Variants in SIL1 observed in about 807,000 individuals in gnomAD.
SIL1 encodes the protein nucleotide exchange factor SIL1.
A neutral mutation model predicts 49.1 loss-of-function variants in SIL1; 40 were observed. The ratio of observed to expected loss-of-function variants is 0.81; its 90% CI spans 0.63 to 1.06. The LOEUF (loss-of-function observed/expected upper bound fraction) is 1.06, where lower values mean the gene tolerates loss of function less well. SIL1 is among the 50% of genes least tolerant of loss of function. The pLI, the probability that SIL1 is intolerant of heterozygous loss-of-function variation, is 0.00. For synonymous variants in SIL1, 253 were observed against 250.8 expected (o/e 1.01, Z -0.08); for missense variants, 500 against 572.6 (o/e 0.87, Z 1.29).
At chr5:139,011,171 C>T (rs1317556119) in intron 7 of SIL1, among the ~76,000 whole-genome samples, 2 of 150,960 alleles carry the variant, frequency 1.3e-5, no homozygotes, top group Admixed American at 6.6e-5. Flanking sequence ...CGTGGTGCGC[C>T]GTTTTTTAAG....
Position 139,083,197 on chromosome 5 carries a change from G to A in SIL1, c.245-32151C>T, listed in dbSNP as rs180692756. Among the ~76,000 whole-genome samples, 644 of 152,340 alleles carry A rather than the reference G, an allele frequency of 4.2e-3. 7 individuals carry two copies. Among genetic ancestry groups the A allele is most frequent in the African/African-American group, 0.01 (423 of 41,564 alleles). ...GAGCACCTGCCACTGGGAGAAACTA[G>A]GGAGGTGAAAATTCAGATGTACCTT... is the stretch of plus-strand genomic sequence containing the variant. On this transcript the variant is annotated intron_variant, in intron 3 of 9. Transcript: ENST00000394817.
At chr5:139,127,680 A>G in intron 2 of SIL1, 59 bp downstream of exon 2, 1 of 1,362,996 alleles carries the variant, frequency 7.3e-7, no homozygotes, top group Non-Finnish European at 1.0e-6. Flanking sequence ...CCCTGGTGAC[A>G]GGGAGGCCTT....
chr5:138,984,524 A>G (rs1349024139), intron 7 of SIL1, among the ~76,000 whole-genome samples: 1 of 151,768 alleles, frequency 6.6e-6, no homozygotes, highest in Non-Finnish European at 1.5e-5. Flanking sequence ...ATGCCTGGCT[A>G]ATTTTTGTAT....
chr5:139,174,937 CAAAAA>C (rs56959325), intron 1 of SIL1, among the ~76,000 whole-genome samples: 1 of 59,850 alleles, frequency 1.7e-5, no homozygotes, highest in African/African-American at 8.0e-5. Flanking sequence ...GACTGTGTCT[CAAAAA>C]AAAAAAAAAA....
chr5:139,137,525 T>C (rs936245278), intron 1 of SIL1: 7 of 520,988 alleles, frequency 1.3e-5, no homozygotes, highest in Non-Finnish European at 2.4e-5. Context: ...CAGAAATTTT[T>C]TTTTTAATTT....
intron 7 of SIL1, among the ~76,000 whole-genome samples, chr5:138,963,354 A>G (rs1767066449): frequency 6.6e-6 from 1 of 152,210 alleles, no homozygotes; most frequent in African/African-American, 2.4e-5. Context: ...TAAACTTGAT[A>G]AACATGATAA....
chr5:139,161,753 A>T (rs1043721848), intron 1 of SIL1, among the ~76,000 whole-genome samples: 1 of 152,196 alleles, frequency 6.6e-6, no homozygotes, highest in African/African-American at 2.4e-5. Context: ...GCGGTGGCTC[A>T]TGCCTGTAAT....
chr5:139,058,550 G>A (rs1440253855), intron 3 of SIL1, among the ~76,000 whole-genome samples: 1 of 152,024 alleles, frequency 6.6e-6, no homozygotes, highest in Non-Finnish European at 1.5e-5. Context: ...AGAAAAAATT[G>A]TCACTCCTCT....
intron 3 of SIL1, among the ~76,000 whole-genome samples, chr5:139,093,357 G>C (rs541586988): frequency 6.6e-6 from 1 of 152,334 alleles, no homozygotes; most frequent in East Asian, 1.9e-4. Context: ...AATGTACTAA[G>C]ACAGAGATAA....
At chr5:138,960,814 T>C (rs1767005170) in intron 7 of SIL1, among the ~76,000 whole-genome samples, 1 of 152,240 alleles carries the variant, frequency 6.6e-6, no homozygotes, top group Non-Finnish European at 1.5e-5. Flanking sequence ...TATGAGATTC[T>C]GTCAAATGAT....
intron 3 of SIL1, among the ~76,000 whole-genome samples, chr5:139,059,824 TTGTC>T: frequency 6.6e-6 from 1 of 152,158 alleles, no homozygotes; most frequent in East Asian, 1.9e-4. Context: ...ACGGGCTCAT[TTGTC>T]TTCTCACTTT....
At chr5:139,008,416 C>G (rs1343833920) in intron 7 of SIL1, among the ~76,000 whole-genome samples, 1 of 123,940 alleles carries the variant, frequency 8.1e-6, no homozygotes, top group Admixed American at 7.7e-5. Flanking sequence ...AAACCAGCTC[C>G]TGGATTCATT....
At chr5:138,955,572 G>A (rs1766884236) in intron 7 of SIL1, among the ~76,000 whole-genome samples, 1 of 152,256 alleles carries the variant, frequency 6.6e-6, no homozygotes, top group Admixed American at 6.5e-5. Context: ...GAAGGGGACT[G>A]AAGGAGCTGA....
intron 1 of SIL1, among the ~76,000 whole-genome samples, chr5:139,162,675 AAC>A (rs1167582680): frequency 6.6e-6 from 1 of 152,194 alleles, no homozygotes; most frequent in Non-Finnish European, 1.5e-5. Context: ...GTAATAAAAG[AAC>A]ACATTCTCAT....
rs529442924 is a variant in SIL1, at chr5:139,112,449, G to A, written c.244+8586C>T. 4.2e-4 allele frequency among the ~76,000 whole-genome samples: 63 copies of A among 149,390 alleles called. No individual in the cohort carries two copies. In the South Asian group the frequency reaches 0.013, roughly 31 times the overall value. ...CGTCTGAGATGTAGGGAGCGCCTCT[G>A]CCCCGCCACCCAGTCTGGGATGTGA... On this transcript the variant is annotated intron_variant, in intron 3 of 9. Transcript: ENST00000394817.
At chr5:139,129,050 G>T (rs1425022133) in intron 1 of SIL1, among the ~76,000 whole-genome samples, 1 of 151,972 alleles carries the variant, frequency 6.6e-6, no homozygotes, top group East Asian at 1.9e-4. Flanking sequence ...AGGAGGCTGA[G>T]GTGGGAGGAT....
intron 3 of SIL1, among the ~76,000 whole-genome samples, chr5:139,092,218 A>T (rs1297614313): frequency 1.3e-5 from 2 of 152,090 alleles, no homozygotes; most frequent in Non-Finnish European, 2.9e-5. Flanking sequence ...TGTTTCTTCT[A>T]CTTTCCCTTC....
At chr5:139,117,752 C>T (rs772788094) in intron 3 of SIL1, among the ~76,000 whole-genome samples, 7 of 152,186 alleles carry the variant, frequency 4.6e-5, no homozygotes, top group Non-Finnish European at 7.4e-5. Context: ...GAACAAGCAG[C>T]TCCCAGTGAG....
rs1197129710 is a variant in SIL1 at position 139,167,167 on chromosome 5, C to T, written c.-11+31102G>A. Among the ~76,000 whole-genome samples the T allele has an allele frequency of 2.0e-5, 3 of 151,916 alleles. No homozygotes were observed. In the East Asian group the frequency reaches 5.8e-4, roughly 29 times the overall value. On this transcript the variant is annotated intron_variant, in intron 1 of 9. Transcript: ENST00000394817. ...ACACGGTTTCGCCATGTTGCCCAGG[C>T]TGATCCTGAACTCCTGGGCTCAAGT...
Sources: gnomAD v4.1 joint callset for allele counts (sites outside exome capture counted in the v4.1 genomes callset) on GRCh38, gnomAD v4.1.1 for gene constraint, MANE v1.5 for transcripts, NCBI Gene and HGNC (gene_info 2026-07-23, HGNC 2026-07-21) for gene names.